The following SNTG2 variants were observed in gnomAD, a reference collection of about 807,000 sequenced individuals.
SNTG2 encodes gamma-2-syntrophin.
SNTG2 carries 74 observed loss-of-function variants against 70.9 expected under a neutral mutation model. The observed-to-expected ratio is 1.04, with a 90% CI of 0.86 to 1.27. SNTG2 has a LOEUF of 1.27. Among genes scored for constraint, SNTG2 ranks in the 50% most tolerant of loss-of-function variants. SNTG2 has a pLI of 0.00. For missense variants in SNTG2, 717 were observed against 690.7 expected (o/e 1.04, Z -0.43); for synonymous variants, 278 against 273.8 (o/e 1.02, Z -0.15).
At chr2:1,194,158 CTCTT>C (rs1470357987) in intron 8 of SNTG2, among the ~76,000 whole-genome samples, 3 of 152,194 alleles carry the variant, frequency 2.0e-5, no homozygotes, top group Non-Finnish European at 4.4e-5. Context: ...TCATTATCCT[CTCTT>C]TATAAGAAGC....
chr2:1,207,237 C>T (rs1342104740), intron 8 of SNTG2, among the ~76,000 whole-genome samples: 2 of 152,206 alleles, frequency 1.3e-5, no homozygotes, highest in Non-Finnish European at 2.9e-5. Context: ...AGGTGAATCT[C>T]TTACCAGAAG....
chr2:1,285,488 G>C (rs181854116), intron 14 of SNTG2, among the ~76,000 whole-genome samples: 1 of 152,088 alleles, frequency 6.6e-6, no homozygotes, highest in Non-Finnish European at 1.5e-5. Context: ...GACTGGAAAC[G>C]CACCAATCCC....
intron 1 of SNTG2, among the ~76,000 whole-genome samples, chr2:1,005,849 ATATATATATATATATATATATATAT>A (rs1558306195): frequency 3.1e-4 from 7 of 22,726 alleles, no homozygotes; most frequent in Non-Finnish European, 6.5e-4. Context: ...ATATATATAT[ATATATATATATATATATATATATAT>A]AAACGTTGAC....
intron 1 of SNTG2, among the ~76,000 whole-genome samples, chr2:1,026,496 C>T (rs1394456245): frequency 1.3e-5 from 2 of 152,100 alleles, no homozygotes; most frequent in Non-Finnish European, 2.9e-5. Flanking sequence ...CATCCAAAAA[C>T]ACAAATAAAT....
At chr2:1,152,806 A>G (rs1669602737) in intron 6 of SNTG2, among the ~76,000 whole-genome samples, 1 of 152,216 alleles carries the variant, frequency 6.6e-6, no homozygotes, top group Non-Finnish European at 1.5e-5. Context: ...TTAACTGATC[A>G]TAGATGTTGA....
intron 16 of SNTG2, among the ~76,000 whole-genome samples, chr2:1,350,532 T>G (rs113976380): frequency 0.014 from 2,135 of 152,324 alleles, 48 homozygotes; most frequent in African/African-American, 0.046. Context: ...CACAGATTTT[T>G]CCAGCAAGGA....
chr2:1,184,699 C>T (rs981497122), intron 8 of SNTG2, among the ~76,000 whole-genome samples: 2 of 152,134 alleles, frequency 1.3e-5, no homozygotes, highest in African/African-American at 4.8e-5. Context: ...ATAAGAATAG[C>T]AAGAGAAAAT....
At chr2:1,197,523 G>GTATGTATATA (rs1553353460) in intron 8 of SNTG2, among the ~76,000 whole-genome samples, 15 of 97,644 alleles carry the variant, frequency 1.5e-4, no homozygotes, top group African/African-American at 4.0e-4. Flanking sequence ...ATATGTGTGT[G>GTATGTATATA]TGTGTGTGTG....
In SNTG2 at chr2:1,075,569, T is replaced by C. The variant is rs139923412; in HGVS notation, c.73-7949T>C. On this transcript the variant is annotated intron_variant, in intron 1 of 16. Coordinates refer to ENST00000308624, the MANE Select transcript of SNTG2 (RefSeq NM_018968.4). ...TTCCAAGGGCAGCTGTCATTGTTTC[T>C]ATGTAGATCTTAGTGGGACACTAAC... 7.6e-3 allele frequency among the ~76,000 whole-genome samples: 1,151 copies of C among 152,280 alleles called. 10 individuals carry two copies. The highest frequency in any genetic ancestry group is 0.017 in the Middle Eastern group (5 of 294).
intron 8 of SNTG2, among the ~76,000 whole-genome samples, chr2:1,204,804 G>A (rs896867664): frequency 1.1e-4 from 16 of 152,054 alleles, no homozygotes; most frequent in South Asian, 6.2e-4. Flanking sequence ...ATAACTATAC[G>A]GTTTGGTACT....
chr2:1,291,580 C>T (rs1481502050), intron 14 of SNTG2, among the ~76,000 whole-genome samples: 1 of 152,154 alleles, frequency 6.6e-6, no homozygotes, highest in African/African-American at 2.4e-5. Flanking sequence ...CCAGTTTTCC[C>T]AGCACCATTT....
chr2:1,104,757 G>A (rs1291621922), intron 4 of SNTG2, among the ~76,000 whole-genome samples: 1 of 152,144 alleles, frequency 6.6e-6, no homozygotes, highest in Non-Finnish European at 1.5e-5. Flanking sequence ...AGTGAATAGG[G>A]CTTGCTCTTC....
chr2:1,262,682 ACCGGAAGG>A (rs1220379646), intron 13 of SNTG2, among the ~76,000 whole-genome samples: 4 of 141,804 alleles, frequency 2.8e-5, no homozygotes, highest in Admixed American at 1.4e-4. Flanking sequence ...AGACGAGGCA[ACCGGAAGG>A]CTCCGTCCAG....
intron 14 of SNTG2, among the ~76,000 whole-genome samples, chr2:1,296,458 A>G (rs1049703314): frequency 3.9e-5 from 6 of 152,222 alleles, no homozygotes; most frequent in Admixed American, 2.0e-4. Flanking sequence ...GCACGCCGCT[A>G]CCTGCCCCTT....
intron 9 of SNTG2, among the ~76,000 whole-genome samples, chr2:1,235,356 C>A (rs61052557): frequency 1.8e-5 from 2 of 108,410 alleles, no homozygotes; most frequent in African/African-American, 3.5e-5. Context: ...CACCAGGCAC[C>A]CCCGATTCAT....
intron 14 of SNTG2, 103 bp downstream of exon 14, chr2:1,267,674 C>G (rs1477280071): frequency 9.3e-7 from 1 of 1,071,136 alleles, no homozygotes; most frequent in Non-Finnish European, 1.4e-6. Context: ...GAGGAATCTT[C>G]AGAAGGTGAG....
chr2:1,232,167 C>T (rs1676296834), intron 9 of SNTG2, among the ~76,000 whole-genome samples: 1 of 152,124 alleles, frequency 6.6e-6, no homozygotes, highest in Non-Finnish European at 1.5e-5. Context: ...TCTCATGAAC[C>T]AATGGGAAGT....
In SNTG2 at chr2:1,366,426, C is replaced by T. The variant is rs73908894; in HGVS notation, c.1489-917C>T. Among the ~76,000 whole-genome samples the T allele has an allele frequency of 8.1e-3, 1,229 of 152,230 alleles. 19 individuals are homozygous for T. Among genetic ancestry groups the T allele is most frequent in the African/African-American group, 0.027 (1,116 of 41,552 alleles). On this transcript the variant is annotated intron_variant, in intron 16 of 16. Coordinates refer to ENST00000308624, the MANE Select transcript of SNTG2 (RefSeq NM_018968.4). The stretch of plus-strand genomic sequence containing the variant: ...TGTGGACTTTTCTGTTGATTTGACA[C>T]AGGGACTTTATGTGGGGCAGTTTGT...
chr2:1,221,393 G>GTGTC (rs1674791160), intron 9 of SNTG2, among the ~76,000 whole-genome samples: 1 of 14,334 alleles, frequency 7.0e-5, no homozygotes, highest in Non-Finnish European at 1.9e-4. Context: ...CCCTCCCTCT[G>GTGTC]TCTCTGTCCC....
Sources: gnomAD v4.1 joint callset for allele counts (sites outside exome capture counted in the v4.1 genomes callset) on GRCh38, gnomAD v4.1.1 for gene constraint, MANE v1.5 for transcripts, NCBI Gene and HGNC (gene_info 2026-07-23, HGNC 2026-07-21) for gene names.